Variants in XPO7 observed in about 807,000 individuals in gnomAD.
XPO7 encodes exportin 7.
Under a neutral mutation model 144.3 loss-of-function variants are expected in XPO7, and 21 were observed. The observed-to-expected ratio is 0.15, with a 90% CI of 0.10 to 0.21. The LOEUF is 0.21. Ranked by LOEUF, XPO7 falls within the 10% of genes least tolerant of loss-of-function variation. XPO7 has a pLI of 1.00. For synonymous variants in XPO7, 580 were observed against 499.6 expected (o/e 1.16, Z -2.15); for missense variants, 808 against 1,325.8 (o/e 0.61, Z 6.06).
At chr8:21,985,496 C>A in intron 12 of XPO7, 90 bp from the exon 13 acceptor site, 1 of 1,196,466 alleles carries the variant, frequency 8.4e-7, no homozygotes, top group Non-Finnish European at 1.2e-6. Context: ...GGTTTCACCA[C>A]AGTGTTCTTA....
At chr8:21,963,547 T>C (rs1207282858) in intron 1 of XPO7, among the ~76,000 whole-genome samples, 1 of 151,994 alleles carries the variant, frequency 6.6e-6, no homozygotes, top group Non-Finnish European at 1.5e-5. Context: ...TATAAAAAAT[T>C]AGCTGGGCGT....
chr8:21,966,954 A>G lies in XPO7; in HGVS notation c.116A>G (p.Asn39Ser), dbSNP rs547315382. Residue 39 changes from asparagine (N) to serine (S), a missense_variant, in exon 2 of 28, where the codon AAC becomes AGC. By Grantham distance (46) the Asn-to-Ser change is conservative. Around this residue, in one of 5 missense-constraint regions of XPO7, gnomAD observed 223 missense variants for 368.8 expected, o/e 0.60. Coordinates refer to ENST00000252512, the MANE Select transcript of XPO7 (RefSeq NM_015024.5). ...QAEKALVEFTNSPDCLSKCQL... is the reference protein window; with the variant it reads ...QAEKALVEFTSSPDCLSKCQL... ...GAGAAAGCCTTGGTTGAATTTACCAACAGCCCTGATTGCCTGAGCAAGTGC... is the reference window on the plus strand; with the variant it reads ...GAGAAAGCCTTGGTTGAATTTACCAGCAGCCCTGATTGCCTGAGCAAGTGC... The G allele has an allele frequency of 3.1e-6, 5 of 1,613,934 alleles. No individual in the cohort carries two copies. Among genetic ancestry groups the G allele is most frequent in the African/African-American group, 1.3e-5 (1 of 74,954 alleles).
chr8:21,936,295 T>A (rs991483907), intron 1 of XPO7, among the ~76,000 whole-genome samples: 6 of 152,218 alleles, frequency 3.9e-5, no homozygotes, highest in Non-Finnish European at 8.8e-5. Flanking sequence ...GGCCTCTGTC[T>A]CTGTGTCCAG....
chr8:21,922,967 T>A (rs1810337704), intron 1 of XPO7, among the ~76,000 whole-genome samples: 2 of 152,188 alleles, frequency 1.3e-5, no homozygotes, highest in African/African-American at 4.8e-5. Context: ...GAAGAATCAT[T>A]ACAACTTGTC....
intron 1 of XPO7, chr8:21,921,548 C>G (rs1036070141): frequency 6.6e-6 from 1 of 152,124 alleles, no homozygotes; most frequent in African/African-American, 2.4e-5. Flanking sequence ...CCCACATTTT[C>G]GAAGCATAAA....
intron 1 of XPO7, among the ~76,000 whole-genome samples, chr8:21,960,397 GA>G (rs1422396469): frequency 2.6e-5 from 4 of 152,178 alleles, no homozygotes; most frequent in Admixed American, 2.6e-4. Context: ...AGTTTCTGGT[GA>G]GCACTTAAGA....
intron 1 of XPO7, among the ~76,000 whole-genome samples, chr8:21,951,232 G>A (rs143620992): frequency 6.6e-6 from 1 of 151,786 alleles, no homozygotes; most frequent in South Asian, 2.1e-4. Context: ...AGGTGACATA[G>A]GTAGATATGC....
At chr8:21,995,413 C>T (rs1378840838) in intron 20 of XPO7, 79 bp from the exon 21 acceptor site, 19 of 1,269,330 alleles carry the variant, frequency 1.5e-5, no homozygotes, top group Non-Finnish European at 2.1e-5. Context: ...CAAGTTTTTG[C>T]TTGGCTAGTG....
chr8:21,990,452 C>G, intron 17 of XPO7, 45 bp downstream of exon 17: 1 of 1,599,926 alleles, frequency 6.3e-7, no homozygotes, highest in Non-Finnish European at 8.6e-7. Flanking sequence ...ACCACCCACA[C>G]ATACACTTTC....
At chr8:22,001,305 T>A (rs1242988416) in intron 24 of XPO7, among the ~76,000 whole-genome samples, 1 of 146,516 alleles carries the variant, frequency 6.8e-6, no homozygotes, top group Non-Finnish European at 1.5e-5. Flanking sequence ...CGAGACTCCG[T>A]ATCAAAAAAA....
chr8:21,965,626 G>A (rs368642545), intron 1 of XPO7, among the ~76,000 whole-genome samples: 20 of 152,152 alleles, frequency 1.3e-4, no homozygotes, highest in African/African-American at 4.8e-4. Flanking sequence ...ATCTTAGGGC[G>A]TCAGTATTCA....
chr8:21,944,116 C>G (rs1811080069), intron 1 of XPO7, among the ~76,000 whole-genome samples: 2 of 152,060 alleles, frequency 1.3e-5, no homozygotes, highest in Admixed American at 1.3e-4. Flanking sequence ...TGGCCATACC[C>G]AAGAGTGGTA....
intron 1 of XPO7, among the ~76,000 whole-genome samples, chr8:21,959,087 G>A (rs1811636627): frequency 6.6e-6 from 1 of 152,154 alleles, no homozygotes; most frequent in Non-Finnish European, 1.5e-5. Flanking sequence ...AGCACCCTGA[G>A]CGAATATGGA....
chr8:21,943,803 T>G (rs1811071627), intron 1 of XPO7, among the ~76,000 whole-genome samples: 1 of 152,178 alleles, frequency 6.6e-6, no homozygotes, highest in Non-Finnish European at 1.5e-5. Flanking sequence ...AGTTATAATC[T>G]TATTAAACAA....
chr8:21,950,481 TGACA>T (rs1811334521), intron 1 of XPO7, among the ~76,000 whole-genome samples: 1 of 152,228 alleles, frequency 6.6e-6, no homozygotes, highest in Non-Finnish European at 1.5e-5. Flanking sequence ...GAGGTTATGT[TGACA>T]TGTTTAGGTT....
At chr8:21,962,908 A>C (rs191106422) in intron 1 of XPO7, among the ~76,000 whole-genome samples, 1 of 152,348 alleles carries the variant, frequency 6.6e-6, no homozygotes, top group East Asian at 1.9e-4. Context: ...TTATATGTCA[A>C]TTAACCTTCT....
At chr8:21,976,566 A>C (rs1286227216) in intron 7 of XPO7, 45 bp downstream of exon 7, 1 of 1,570,676 alleles carries the variant, frequency 6.4e-7, no homozygotes, top group Non-Finnish European at 8.6e-7. Context: ...TCACTCCCCT[A>C]CAGAGTGTCT....
At chr8:22,002,665 C>T (rs1813191262) in intron 25 of XPO7, among the ~76,000 whole-genome samples, 1 of 152,190 alleles carries the variant, frequency 6.6e-6, no homozygotes, top group Non-Finnish European at 1.5e-5. Context: ...AAATAACTGG[C>T]CACAGAGAGA....
At chr8:21,927,142 G>C (rs941062564) in intron 1 of XPO7, among the ~76,000 whole-genome samples, 3 of 152,058 alleles carry the variant, frequency 2.0e-5, no homozygotes, top group Non-Finnish European at 4.4e-5. Flanking sequence ...CCAGCTACTG[G>C]GGGGGAGGCT....
Sources: allele counts gnomAD v4.1 joint callset (sites outside exome capture counted in the v4.1 genomes callset), GRCh38; gene constraint gnomAD v4.1.1; regional missense constraint gnomAD v4.1.1; transcripts MANE v1.5; gene names NCBI Gene and HGNC (gene_info 2026-07-23, HGNC 2026-07-21).